CACNB4: variants seen among roughly 807,000 people sequenced by gnomAD.
The protein encoded by CACNB4 is voltage-dependent L-type calcium channel subunit beta-4.
Under a neutral mutation model 71.2 loss-of-function variants are expected in CACNB4, and 32 were observed. That is an observed-to-expected ratio of 0.45 (90% CI 0.34 to 0.60). The LOEUF (loss-of-function observed/expected upper bound fraction) is 0.60. Among genes scored for constraint, CACNB4 ranks in the 20% least tolerant of loss-of-function variants. CACNB4 has a pLI of 0.01. For synonymous variants in CACNB4, 231 were observed against 236.9 expected, an observed-to-expected ratio of 0.97 and a Z score of 0.23; for missense variants, 464 against 647.9, an observed-to-expected ratio of 0.72 and a Z score of 3.08.
intron 2 of CACNB4, among the ~76,000 whole-genome samples, chr2:151,996,145 T>C (rs777929051): frequency 4.6e-5 from 7 of 152,216 alleles, no homozygotes; most frequent in African/African-American, 9.6e-5. Context: ...GATACTAGTA[T>C]GAAATTTTAA....
intron 3 of CACNB4, among the ~76,000 whole-genome samples, chr2:151,881,515 C>T (rs1219790723): frequency 6.6e-6 from 1 of 152,232 alleles, no homozygotes; most frequent in Non-Finnish European, 1.5e-5. Flanking sequence ...ACAAATGCCT[C>T]TCAGCAAAGT....
intron 2 of CACNB4, among the ~76,000 whole-genome samples, chr2:151,954,914 G>T (rs956811396): frequency 7.1e-6 from 1 of 140,778 alleles, no homozygotes; most frequent in Non-Finnish European, 1.5e-5. Context: ...AGTGCAGTGG[G>T]GCGATCTCAG....
chr2:151,976,072 C>T (rs2099873737), intron 2 of CACNB4, among the ~76,000 whole-genome samples: 1 of 152,194 alleles, frequency 6.6e-6, no homozygotes, highest in Non-Finnish European at 1.5e-5. Flanking sequence ...TTACGGTACC[C>T]TAATGCATGC....
intron 2 of CACNB4, among the ~76,000 whole-genome samples, chr2:151,943,590 G>A (rs1278789739): frequency 6.6e-6 from 1 of 152,118 alleles, no homozygotes. Flanking sequence ...TTCATTGAAA[G>A]GGAATGTGGT....
intron 2 of CACNB4, among the ~76,000 whole-genome samples, chr2:151,933,172 A>G (rs1453443776): frequency 6.9e-6 from 1 of 144,826 alleles, no homozygotes; most frequent in Non-Finnish European, 1.5e-5. Context: ...TTTGCCATTA[A>G]AAACAAAAAA....
chr2:152,016,643 C>G (rs6727569), intron 2 of CACNB4, among the ~76,000 whole-genome samples: 1 of 152,048 alleles, frequency 6.6e-6, no homozygotes, highest in African/African-American at 2.4e-5. Context: ...CCCACAGTCA[C>G]GTTATCTGAA....
At chr2:152,093,925 A>G (rs1447094424) in intron 2 of CACNB4, among the ~76,000 whole-genome samples, 1 of 152,248 alleles carries the variant, frequency 6.6e-6, no homozygotes, top group African/African-American at 2.4e-5. Flanking sequence ...ATGTTGGAGC[A>G]GAACCTCATG....
Position 152,098,797 on chromosome 2 carries a change from G to C in CACNB4, c.63+152C>G, listed in dbSNP as rs1021352600. ...GAAAGAGGAGGAGCGGGAGGAGAAA[G>C]GGACGTGGAGGAGGGGTGGGGGGAG... On this transcript the variant is annotated intron_variant, in intron 1 of 13. Coordinates refer to ENST00000539935, the MANE Select transcript of CACNB4 (RefSeq NM_000726.5). The surrounding 1 kb of genome is among the most constrained non-coding windows in gnomAD (Gnocchi z 5.3). The C allele has an allele frequency of 6.3e-6, 7 of 1,106,818 alleles. No individual in the cohort carries two copies. The highest frequency in any genetic ancestry group is 9.0e-6 in the Non-Finnish European group (7 of 775,522). The allele number at this position is 1,106,818 out of a possible 1,614,324, so 68.6% of individuals were successfully genotyped here.
At chr2:152,067,945 T>C (rs1376046944) in intron 2 of CACNB4, among the ~76,000 whole-genome samples, 1 of 152,204 alleles carries the variant, frequency 6.6e-6, no homozygotes, top group African/African-American at 2.4e-5. Flanking sequence ...ATTAAAATTA[T>C]ATGTTTAGGT....
chr2:151,974,096 G>T, intron 2 of CACNB4: 1 of 337,934 alleles, frequency 3.0e-6, no homozygotes, highest in Non-Finnish European at 4.3e-6. Context: ...GCTGCTTCCT[G>T]TTTCGCCTGT....
chr2:151,961,829 C>T (rs1033336559), intron 2 of CACNB4, among the ~76,000 whole-genome samples: 2 of 152,102 alleles, frequency 1.3e-5, no homozygotes, highest in Non-Finnish European at 2.9e-5. Context: ...AGGTCCAAGG[C>T]TGCAGTGAGC....
chr2:151,863,363 G>A (rs2151382968), intron 9 of CACNB4, among the ~76,000 whole-genome samples: 1 of 152,312 alleles, frequency 6.6e-6, no homozygotes, highest in African/African-American at 2.4e-5. Context: ...ACCATGCTCA[G>A]CGATGTGTGT....
At chr2:152,045,914 G>C (rs1685121958) in intron 2 of CACNB4, among the ~76,000 whole-genome samples, 1 of 152,224 alleles carries the variant, frequency 6.6e-6, no homozygotes, top group African/African-American at 2.4e-5. Flanking sequence ...GCTTGAAATA[G>C]AGGGGATGAA....
intron 2 of CACNB4, among the ~76,000 whole-genome samples, chr2:152,054,093 C>T (rs1223071299): frequency 3.3e-5 from 5 of 152,020 alleles, no homozygotes; most frequent in South Asian, 2.1e-4. Flanking sequence ...GTTGGCCGGG[C>T]GCGGTGGCTC....
At chr2:152,006,885 C>A (rs1295736889) in intron 2 of CACNB4, among the ~76,000 whole-genome samples, 1 of 152,170 alleles carries the variant, frequency 6.6e-6, no homozygotes, top group African/African-American at 2.4e-5. Flanking sequence ...CACCCCAATC[C>A]TGCCTCTCCT....
chr2:151,839,133 G>A lies in CACNB4; in HGVS notation c.1549C>T (p.Arg517Ter), dbSNP rs370263335. The A allele has an allele frequency of 1.1e-5, 17 of 1,610,616 alleles. No individual in the cohort carries two copies. In the East Asian group the frequency reaches 1.1e-4, roughly 11 times the overall value. ...TTTCATTAGACTCAAAGCCTATGTCGGGAGTCATGGCTATATCCCCCAGGT... is the reference window on the plus strand; with the variant it reads ...TTTCATTAGACTCAAAGCCTATGTCAGGAGTCATGGCTATATCCCCCAGGT... ...GSPGGYSHDSRHRL is the reference protein window; with the variant it reads ...GSPGGYSHDS The change falls in exon 14 of 14, where the codon CGA (arginine) becomes TGA (stop). Residue 517 changes from arginine (R) to a stop codon, truncating the protein, a stop_gained. Coordinates refer to ENST00000539935, the MANE Select transcript of CACNB4 (RefSeq NM_000726.5). LOFTEE classifies it high-confidence loss of function.
At chr2:151,883,952 T>C (rs1358459172) in intron 2 of CACNB4, 2 of 172,056 alleles carry the variant, frequency 1.2e-5, no homozygotes, top group Non-Finnish European at 1.2e-5. Context: ...AAAAACAACC[T>C]TGAGGATGAA....
At chr2:151,848,037 T>A (rs1331461873) in intron 12 of CACNB4, among the ~76,000 whole-genome samples, 1 of 152,244 alleles carries the variant, frequency 6.6e-6, no homozygotes, top group Non-Finnish European at 1.5e-5. Flanking sequence ...TGACACTTGA[T>A]GTGAACCCAA....
chr2:151,912,474 GT>G (rs55946912), intron 2 of CACNB4, among the ~76,000 whole-genome samples: 143,057 of 150,268 alleles, frequency 0.95, 68,467 homozygotes, highest in Non-Finnish European at 1. Flanking sequence ...TAATTGTGTG[GT>G]TTTGAGTGAG....
Sources: allele counts gnomAD v4.1 joint callset (sites outside exome capture counted in the v4.1 genomes callset), GRCh38; gene constraint gnomAD v4.1.1; non-coding constraint Gnocchi (gnomAD v3.1); transcripts MANE v1.5; gene names NCBI Gene and HGNC (gene_info 2026-07-23, HGNC 2026-07-21).